The following SV2C variants were observed in gnomAD, a reference collection of about 807,000 sequenced individuals.
The protein encoded by SV2C is synaptic vesicle glycoprotein 2C.
In SV2C, 49 loss-of-function variants were observed where a neutral mutation model predicts 79.7. That is an observed-to-expected ratio of 0.61 (90% confidence interval 0.49 to 0.78). SV2C has a LOEUF of 0.78. Among genes scored for constraint, SV2C ranks in the 30% least tolerant of loss-of-function variants. SV2C has a pLI of 0.00. For synonymous variants in SV2C, 334 were observed against 333.2 expected (o/e 1.00, Z -0.03); for missense variants, 833 against 912.9 (o/e 0.91, Z 1.13).
chr5:76,303,149 G>A (rs1748068010), intron 12 of SV2C, among the ~76,000 whole-genome samples: 1 of 152,050 alleles, frequency 6.6e-6, no homozygotes, highest in African/African-American at 2.4e-5. Flanking sequence ...AAATATTCTA[G>A]TTCAGACCCT....
At chr5:75,989,101 A>T in the SV2C span, among the ~76,000 whole-genome samples, 3 of 151,904 alleles carry the variant, frequency 2.0e-5, no homozygotes, top group African/African-American at 7.3e-5. Context: ...ATTTGTCAAT[A>T]GGTGGAGTTT....
At chr5:76,200,004 G>T (rs894793458) in intron 3 of SV2C, among the ~76,000 whole-genome samples, 3 of 152,206 alleles carry the variant, frequency 2.0e-5, no homozygotes, top group African/African-American at 7.2e-5. Context: ...GAGTGTGCAT[G>T]GGAGAAAGGA....
chr5:76,099,246 A>G (rs997527471), intron 1 of SV2C, among the ~76,000 whole-genome samples: 6 of 152,118 alleles, frequency 3.9e-5, no homozygotes, highest in African/African-American at 1.4e-4. Context: ...AAATTGTATG[A>G]TCTTTGCCTA....
chr5:76,159,402 A>G (rs984038972), intron 2 of SV2C, among the ~76,000 whole-genome samples: 3 of 152,138 alleles, frequency 2.0e-5, no homozygotes, highest in Admixed American at 6.5e-5. Flanking sequence ...CTAAAAAACC[A>G]TTAAAACTAA....
intron 12 of SV2C, among the ~76,000 whole-genome samples, chr5:76,313,940 T>C (rs1420955654): frequency 2.0e-5 from 3 of 152,246 alleles, no homozygotes; most frequent in Non-Finnish European, 2.9e-5. Flanking sequence ...CTCTGGCCTG[T>C]TGATTCTTGA....
chr5:76,101,199 G>C (rs1351167150), intron 1 of SV2C, among the ~76,000 whole-genome samples: 1 of 152,046 alleles, frequency 6.6e-6, no homozygotes, highest in Non-Finnish European at 1.5e-5. Context: ...GGCAGTGGTG[G>C]GAGATTGAGC....
chr5:76,346,214 C>T (rs922886806), intron 12 of SV2C, among the ~76,000 whole-genome samples: 5 of 152,052 alleles, frequency 3.3e-5, no homozygotes, highest in African/African-American at 9.7e-5. Flanking sequence ...ATCTTAAGTG[C>T]GCACATAATG....
chr5:76,203,514 AT>A (rs1344130756), intron 3 of SV2C, among the ~76,000 whole-genome samples: 1 of 151,878 alleles, frequency 6.6e-6, no homozygotes, highest in Non-Finnish European at 1.5e-5. Context: ...TCAATAGCTA[AT>A]TTTTTTTCAA....
the SV2C span, among the ~76,000 whole-genome samples, chr5:75,987,724 A>T: frequency 0.4 from 61,347 of 151,904 alleles, 13,168 homozygotes; most frequent in East Asian, 0.68. Flanking sequence ...TTTAAATGAT[A>T]AAACAAGTGT....
At chr5:75,915,278 G>T in the SV2C span, among the ~76,000 whole-genome samples, 1 of 152,140 alleles carries the variant, frequency 6.6e-6, no homozygotes, top group Non-Finnish European at 1.5e-5. Context: ...ACATCTATTT[G>T]GTGCCTGAAA....
At chr5:76,207,945 T>C (rs1166407445) in intron 3 of SV2C, among the ~76,000 whole-genome samples, 2 of 152,250 alleles carry the variant, frequency 1.3e-5, no homozygotes, top group East Asian at 1.9e-4. Flanking sequence ...CGGTGCAGTA[T>C]AGAGCCAGCT....
At chr5:76,023,065 A>G in the SV2C span, among the ~76,000 whole-genome samples, 1 of 152,146 alleles carries the variant, frequency 6.6e-6, no homozygotes, top group African/African-American at 2.4e-5. Context: ...CTGTACTTTT[A>G]TAGTCATTTT....
chr5:75,879,737 A>G, the SV2C span, among the ~76,000 whole-genome samples: 2 of 152,186 alleles, frequency 1.3e-5, no homozygotes, highest in African/African-American at 2.4e-5. Flanking sequence ...CACTTCCCAT[A>G]GCTCCACTAG....
intron 4 of SV2C, among the ~76,000 whole-genome samples, chr5:76,264,825 C>A (rs547792271): frequency 6.6e-6 from 1 of 152,326 alleles, no homozygotes; most frequent in South Asian, 2.1e-4. Context: ...CCCCAACGGG[C>A]ACCAGCCTGA....
chr5:76,132,728 A>G (rs1404731441), intron 2 of SV2C, among the ~76,000 whole-genome samples: 2 of 152,120 alleles, frequency 1.3e-5, no homozygotes, highest in Non-Finnish European at 2.9e-5. Context: ...AAATACAGAG[A>G]TTAGTTCTGT....
chr5:76,303,092 A>G (rs1414323237), intron 12 of SV2C, among the ~76,000 whole-genome samples: 2 of 151,950 alleles, frequency 1.3e-5, no homozygotes, highest in Non-Finnish European at 2.9e-5. Flanking sequence ...CCCTCCATCC[A>G]TCTCCCTGCA....
chr5:75,995,854 C>A, the SV2C span, among the ~76,000 whole-genome samples: 1 of 152,046 alleles, frequency 6.6e-6, no homozygotes, highest in African/African-American at 2.4e-5. Flanking sequence ...TTCCAAGAAC[C>A]ATGCATATCA....
chr5:76,009,272 T>C, the SV2C span, among the ~76,000 whole-genome samples: 5,666 of 152,236 alleles, frequency 0.037, 229 homozygotes, highest in African/African-American at 0.093. Context: ...CAGATGTTGG[T>C]GAGGCTGTGG....
At chr5:76,251,467 C>T (rs1746115643) in intron 4 of SV2C, among the ~76,000 whole-genome samples, 1 of 152,134 alleles carries the variant, frequency 6.6e-6, no homozygotes, top group Admixed American at 6.6e-5. Flanking sequence ...TGGAAAGATG[C>T]TTGAGCCCAG....
Sources: gnomAD v4.1 joint callset for allele counts (sites outside exome capture counted in the v4.1 genomes callset) on GRCh38, gnomAD v4.1.1 for gene constraint, MANE v1.5 for transcripts, NCBI Gene and HGNC (gene_info 2026-07-23, HGNC 2026-07-21) for gene names.